LRRC51: variants seen among roughly 807,000 people sequenced by gnomAD.
LRRC51 encodes the protein leucine rich repeat containing 51.
In LRRC51, 8 loss-of-function variants were observed where a neutral mutation model predicts 17.8. The ratio of observed to expected loss-of-function variants is 0.45; its 90% CI spans 0.26 to 0.81. LRRC51 has a LOEUF of 0.81. LRRC51 is among the 30% of genes least tolerant of loss of function. The pLI is 0.17. For synonymous variants in LRRC51, 92 were observed against 96.0 expected (o/e 0.96, Z 0.24); for missense variants, 233 against 239.3 (o/e 0.97, Z 0.17).
chr11:72,093,406 T>C, intron 3 of LRRC51, 90 bp from the exon 4 acceptor site: 3 of 1,281,230 alleles, frequency 2.3e-6, no homozygotes, highest in Admixed American at 2.0e-5. Context: ...AGCTACAGCC[T>C]GGATGGCTAA....
rs116163896 is a variant in LRRC51, at chr11:72,094,706, C to T, written c.289-242C>T. ...AAGGCTGAGAGAGGCAAGTCAGTGG[C>T]AGTGCTGGTACCCAGGCCCACACTC... On this transcript the variant is annotated intron_variant, in intron 4 of 5. Coordinates refer to ENST00000289488, the MANE Select transcript of LRRC51 (RefSeq NM_145309.6). 516 of 763,792 alleles carry T rather than the reference C, an allele frequency of 6.8e-4. 2 individuals are homozygous for T. The African/African-American group carries it at 7.7e-3, about 11-fold the overall frequency. 47.3% of individuals were successfully genotyped at this position (763,792 alleles called of 1,614,324 possible). A position where few individuals can be genotyped will look rare whatever the true frequency, so the allele number is the denominator to read the frequency against.
chr11:72,080,917 C>T (rs1468068239), intron 1 of LRRC51, 32 bp downstream of exon 1: 2 of 152,526 alleles, frequency 1.3e-5, no homozygotes, highest in Non-Finnish European at 2.9e-5. Flanking sequence ...GAAACCCGTT[C>T]TAGGGGACAA....
At chr11:72,085,776 A>C (rs1323712648) in intron 1 of LRRC51, 1 of 152,496 alleles carries the variant, frequency 6.6e-6, no homozygotes, top group Non-Finnish European at 1.5e-5. Context: ...GGGCTTACTC[A>C]TGTGTCGGCA....
chr11:72,086,142 C>T, intron 1 of LRRC51: 1 of 461,000 alleles, frequency 2.2e-6, no homozygotes, highest in Non-Finnish European at 3.9e-6. Context: ...TAACACAGGA[C>T]ACATTAACCA....
chr11:72,086,337 G>C (rs930414857), intron 1 of LRRC51: 2 of 693,064 alleles, frequency 2.9e-6, no homozygotes, highest in Non-Finnish European at 5.3e-6. Flanking sequence ...TTTGTATCTT[G>C]GCTTCATTTC....
At chr11:72,083,428 T>C (rs2136470351) in intron 1 of LRRC51, among the ~76,000 whole-genome samples, 1 of 152,300 alleles carries the variant, frequency 6.6e-6, no homozygotes, top group Non-Finnish European at 1.5e-5. Flanking sequence ...TTCAGGAATG[T>C]CTTCCTGTAG....
intron 1 of LRRC51, chr11:72,086,411 A>G (rs1328977154): frequency 2.8e-6 from 2 of 702,276 alleles, no homozygotes; most frequent in East Asian, 5.4e-5. Flanking sequence ...TGAATATCTT[A>G]CTGTGAACAA....
intron 3 of LRRC51, chr11:72,089,704 G>T: frequency 1.3e-6 from 1 of 764,084 alleles, no homozygotes; most frequent in Non-Finnish European, 1.7e-6. Context: ...AATACTTACT[G>T]ACAAATTTCT....
At chr11:72,095,156 G>A (rs1168389626) in intron 5 of LRRC51, 60 bp downstream of exon 5, 1 of 1,596,636 alleles carries the variant, frequency 6.3e-7, no homozygotes, top group East Asian at 2.2e-5. Flanking sequence ...AAAGGAGGAG[G>A]AGAAACAAGA....
chr11:72,082,172 A>T (rs1356339384), intron 1 of LRRC51, among the ~76,000 whole-genome samples: 2 of 152,206 alleles, frequency 1.3e-5, no homozygotes, highest in Non-Finnish European at 2.9e-5. Flanking sequence ...GAAACTTTTA[A>T]TGGGGAAAAG....
chr11:72,091,639 G>T (rs1050528374), intron 3 of LRRC51, among the ~76,000 whole-genome samples: 13 of 152,324 alleles, frequency 8.5e-5, no homozygotes, highest in African/African-American at 3.1e-4. Flanking sequence ...AAGTGGGAGT[G>T]AGGCTTTGGG....
chr11:72,081,138 C>T lies in LRRC51; in HGVS notation c.-140+253C>T, dbSNP rs555978509. Among the ~76,000 whole-genome samples, 7 of 152,282 alleles carry T rather than the reference C, an allele frequency of 4.6e-5. No homozygotes were observed. The South Asian group carries it at 1.2e-3, about 27-fold the overall frequency. On this transcript the variant is annotated intron_variant, in intron 1 of 5. Coordinates refer to ENST00000289488, the MANE Select transcript of LRRC51 (RefSeq NM_145309.6). ...TTTGGGGATGCTTAAGAACCACCCC[C>T]AGGGCCGGGAGCGGTGGCTCACGCC...
At chr11:72,088,952 G>A (rs1409712740) in intron 2 of LRRC51, 77 bp from the exon 3 acceptor site, 6 of 1,553,016 alleles carry the variant, frequency 3.9e-6, no homozygotes, top group African/African-American at 1.4e-5. Flanking sequence ...GTAGAGGACA[G>A]AAAGCAGGGA....
intron 1 of LRRC51, among the ~76,000 whole-genome samples, chr11:72,086,805 C>G (rs780889245): frequency 6.6e-6 from 1 of 152,094 alleles, no homozygotes; most frequent in Non-Finnish European, 1.5e-5. Context: ...AAGTTAAAAT[C>G]CATGTTCAGT....
At chr11:72,091,775 G>A (rs1014805645) in intron 3 of LRRC51, among the ~76,000 whole-genome samples, 1 of 152,018 alleles carries the variant, frequency 6.6e-6, no homozygotes, top group South Asian at 2.1e-4. Flanking sequence ...TGGTAGAGAC[G>A]GGGTTTCATG....
In LRRC51 at chr11:72,089,143, C is replaced by G. The variant is rs1415898870; in HGVS notation, c.60C>G (p.Phe20Leu). Residue 20 changes from phenylalanine to leucine, a missense_variant, in exon 3 of 6, where the codon TTC becomes TTG. Physicochemically the swap from Phe to Leu is conservative, Grantham distance 22. Coordinates refer to ENST00000289488, the MANE Select transcript of LRRC51 (RefSeq NM_145309.6). ...AGGAGCCCCCTCTTGACTACTCCTT[C>G]AGAAGCATCCACGTCATTCAAGGTC... ...SVQEPPLDYS[F>L]RSIHVIQDLV... 6.2e-7 allele frequency: 1 copy of G among 1,614,156 alleles called. No homozygotes were observed. Among genetic ancestry groups the G allele is most frequent in the Admixed American group, 1.7e-5 (1 of 60,020 alleles).
At chr11:72,087,208 C>CA (rs1944580617) in intron 1 of LRRC51, among the ~76,000 whole-genome samples, 2 of 149,776 alleles carry the variant, frequency 1.3e-5, no homozygotes, top group Non-Finnish European at 1.5e-5. Context: ...GTTAAATTGC[C>CA]AAAAAAGGAA....
At chr11:72,083,125 A>G (rs886321826) in intron 1 of LRRC51, among the ~76,000 whole-genome samples, 17 of 152,172 alleles carry the variant, frequency 1.1e-4, no homozygotes, top group African/African-American at 3.9e-4. Flanking sequence ...TTGGCCTCCC[A>G]AAGTGCTGAG....
Position 72,094,640 on chromosome 11 carries a change from A to G in LRRC51, c.289-308A>G, listed in dbSNP as rs1336046440. 3 of 693,210 alleles carry G rather than the reference A, an allele frequency of 4.3e-6. No homozygotes were observed. In the African/African-American group the frequency reaches 5.3e-5, roughly 12 times the overall value. The allele number at this position is 693,210 out of a possible 1,614,324, so 42.9% of individuals were successfully genotyped here. ...CTGTTGCTTGCTGTGATAGAATCGT[A>G]GATCACCAAAGCTGGAAAGGTCTTC... On this transcript the variant is annotated intron_variant, in intron 4 of 5. Coordinates refer to ENST00000289488, the MANE Select transcript of LRRC51 (RefSeq NM_145309.6).
Sources: allele counts gnomAD v4.1 joint callset (sites outside exome capture counted in the v4.1 genomes callset), GRCh38; gene constraint gnomAD v4.1.1; transcripts MANE v1.5; gene names NCBI Gene and HGNC (gene_info 2026-07-23, HGNC 2026-07-21).